LRBA: variants seen among roughly 807,000 people sequenced by gnomAD.
The protein encoded by LRBA is lipopolysaccharide-responsive and beige-like anchor protein.
In LRBA, 176 loss-of-function variants were observed where a neutral mutation model predicts 330.0. The ratio of observed to expected loss-of-function variants is 0.53; its 90% CI spans 0.47 to 0.60. The LOEUF (loss-of-function observed/expected upper bound fraction) is 0.60. LRBA is among the 20% of genes least tolerant of loss of function. The pLI is 0.00. For synonymous variants in LRBA, 1,230 were observed against 1,193.0 expected (o/e 1.03, Z -0.64); for missense variants, 3,259 against 3,444.8 (o/e 0.95, Z 1.35).
chr4:150,275,640 G>A (rs1746658517), intron 56 of LRBA, among the ~76,000 whole-genome samples: 1 of 152,006 alleles, frequency 6.6e-6, no homozygotes, highest in Admixed American at 6.6e-5. Flanking sequence ...ACCAATAACA[G>A]ACAAACAGCC....
chr4:150,464,369 A>T (rs960012755), intron 44 of LRBA, among the ~76,000 whole-genome samples: 2 of 152,082 alleles, frequency 1.3e-5, no homozygotes, highest in African/African-American at 4.8e-5. Flanking sequence ...ATAGAGAGAG[A>T]GTAGGGTATA....
chr4:150,668,703 G>GT (rs749945010), intron 37 of LRBA, among the ~76,000 whole-genome samples: 2 of 152,170 alleles, frequency 1.3e-5, no homozygotes, highest in Non-Finnish European at 2.9e-5. Flanking sequence ...GCATTTATAA[G>GT]TTAGAAGGGA....
chr4:150,635,225 G>A (rs1435875424), intron 37 of LRBA, among the ~76,000 whole-genome samples: 1 of 152,110 alleles, frequency 6.6e-6, no homozygotes, highest in African/African-American at 2.4e-5. Context: ...TTACAAACCA[G>A]GAATATCAGC....
chr4:150,648,177 A>AAAAAAAAAC (rs1779372610), intron 37 of LRBA, among the ~76,000 whole-genome samples: 1 of 131,486 alleles, frequency 7.6e-6, no homozygotes, highest in African/African-American at 2.6e-5. Flanking sequence ...AAAAAAAAAA[A>AAAAAAAAAC]CTAGAAAAGA....
chr4:150,994,562 T>TA (rs1742438797), intron 2 of LRBA, among the ~76,000 whole-genome samples: 1 of 151,766 alleles, frequency 6.6e-6, no homozygotes, highest in Non-Finnish European at 1.5e-5. Flanking sequence ...AAACACGCAA[T>TA]AAAAAAAATC....
chr4:150,805,489 A>AAAGGAG (rs1742567286), intron 33 of LRBA, among the ~76,000 whole-genome samples: 1 of 127,852 alleles, frequency 7.8e-6, no homozygotes, highest in South Asian at 2.5e-4. Context: ...AAAGGAAAGG[A>AAAGGAG]AAGGAGAAGG....
chr4:150,898,378 T>C (rs1168343442), intron 14 of LRBA, among the ~76,000 whole-genome samples: 1 of 152,136 alleles, frequency 6.6e-6, no homozygotes, highest in Non-Finnish European at 1.5e-5. Context: ...CTTAGAAAAG[T>C]CCTTGGTCAC....
intron 40 of LRBA, among the ~76,000 whole-genome samples, chr4:150,556,412 A>G (rs541882003): frequency 9.2e-5 from 14 of 152,344 alleles, no homozygotes; most frequent in African/African-American, 3.4e-4. Flanking sequence ...CGAGGAACCA[A>G]ATCAGAGCTA....
intron 52 of LRBA, among the ~76,000 whole-genome samples, chr4:150,308,077 G>T (rs1350415941): frequency 6.6e-6 from 1 of 152,102 alleles, no homozygotes; most frequent in Non-Finnish European, 1.5e-5. Flanking sequence ...AAGACTGAAA[G>T]ATGATTTACC....
intron 36 of LRBA, among the ~76,000 whole-genome samples, chr4:150,719,622 A>G (rs1311869799): frequency 1.3e-5 from 2 of 152,164 alleles, no homozygotes; most frequent in Admixed American, 6.5e-5. Flanking sequence ...TGAGGGAGCA[A>G]CAAAGCTTAG....
intron 46 of LRBA, among the ~76,000 whole-genome samples, chr4:150,434,310 A>G (rs747420186): frequency 2.0e-5 from 3 of 152,198 alleles, no homozygotes; most frequent in Non-Finnish European, 4.4e-5. Context: ...TAGAAGCAAA[A>G]TTCTAGTAAG....
At chr4:150,293,674 T>C (rs1486040436) in intron 53 of LRBA, among the ~76,000 whole-genome samples, 1 of 152,206 alleles carries the variant, frequency 6.6e-6, no homozygotes, top group Non-Finnish European at 1.5e-5. Context: ...CTATGATACA[T>C]ATAAATGTTG....
In LRBA at chr4:150,916,481, C is replaced by A. The variant is rs1364049271; in HGVS notation, c.814G>T (p.Gly272Cys). 1 of 1,613,790 alleles carries A rather than the reference C, an allele frequency of 6.2e-7. No individual in the cohort carries two copies. The highest frequency in any genetic ancestry group is 8.5e-7 in the Non-Finnish European group (1 of 1,179,834). The change falls in exon 7 of 57, where the codon GGC (glycine) becomes TGC (cysteine). Residue 272 changes from glycine to cysteine, a missense_variant. By Grantham distance (159) the Gly-to-Cys change is radical. Coordinates refer to ENST00000651943, the MANE Select transcript of LRBA (RefSeq NM_001364905.1). ...TTTATTGATGTTACAATCAAACAGC[C>A]TCCAACAAAATGAGCAGAATAGCCA... is the stretch of plus-strand genomic sequence containing the variant. ...GLGYSAHFVG[G>C]CLIVTSIKSK...
chr4:150,633,338 G>A (rs562696148), intron 37 of LRBA, among the ~76,000 whole-genome samples: 6 of 152,278 alleles, frequency 3.9e-5, no homozygotes, highest in African/African-American at 1.2e-4. Context: ...CTTCTTGAGT[G>A]CTAAATATTG....
intron 47 of LRBA, among the ~76,000 whole-genome samples, chr4:150,380,848 G>A (rs1224752590): frequency 2.0e-5 from 3 of 151,482 alleles, no homozygotes; most frequent in Non-Finnish European, 4.4e-5. Flanking sequence ...CAGGTGAGGT[G>A]GCGGGTGCCT....
chr4:150,681,714 T>A (rs1458941610), intron 37 of LRBA, among the ~76,000 whole-genome samples: 1 of 152,196 alleles, frequency 6.6e-6, no homozygotes, highest in African/African-American at 2.4e-5. Flanking sequence ...AAGCTAATAA[T>A]TTGACAGCTA....
chr4:150,539,508 T>C (rs1328681905), intron 40 of LRBA, among the ~76,000 whole-genome samples: 1 of 152,226 alleles, frequency 6.6e-6, no homozygotes, highest in Admixed American at 6.5e-5. Flanking sequence ...GGAAACATTC[T>C]GAAATAAATC....
chr4:150,535,792 G>A (rs867733554), intron 40 of LRBA, among the ~76,000 whole-genome samples: 4 of 152,098 alleles, frequency 2.6e-5, no homozygotes, highest in Middle Eastern at 3.4e-3. Flanking sequence ...AAATACTTTC[G>A]TTCTTAAGAC....
intron 2 of LRBA, among the ~76,000 whole-genome samples, chr4:150,933,622 G>A (rs895449065): frequency 6.6e-6 from 1 of 151,958 alleles, no homozygotes; most frequent in Non-Finnish European, 1.5e-5. Flanking sequence ...CTATTGCATA[G>A]AAGGCAAAAA....
Sources: allele counts gnomAD v4.1 joint callset (sites outside exome capture counted in the v4.1 genomes callset), GRCh38; gene constraint gnomAD v4.1.1; transcripts MANE v1.5; gene names NCBI Gene and HGNC (gene_info 2026-07-23, HGNC 2026-07-21).